ASPRV1: variants seen among roughly 807,000 people sequenced by gnomAD.
ASPRV1 encodes retroviral-like aspartic protease 1.
In ASPRV1, 7 loss-of-function variants were observed where a neutral mutation model predicts 11.0. That is an observed-to-expected ratio of 0.64 (90% CI 0.36 to 1.20). The LOEUF is 1.20. Among genes scored for constraint, ASPRV1 ranks in the 50% most tolerant of loss-of-function variants. The pLI is 0.02. For synonymous variants in ASPRV1, 136 were observed against 138.4 expected, an observed-to-expected ratio of 0.98 and a Z score of 0.12; for missense variants, 299 against 320.0, an observed-to-expected ratio of 0.93 and a Z score of 0.50.
At chr2:70,054,068 C>T in the ASPRV1 span, 1 of 151,840 alleles carries the variant, frequency 6.6e-6, no homozygotes, top group African/African-American at 2.4e-5. Context: ...CGCGGTGGCT[C>T]ACGCCTGTAA....
At chr2:69,984,610 C>CTTTTTTTTTTTT in the ASPRV1 span, among the ~76,000 whole-genome samples, 1 of 65,338 alleles carries the variant, frequency 1.5e-5, no homozygotes, top group African/African-American at 6.7e-5. Context: ...TCAGGTCCAG[C>CTTTTTTTTTTTT]TTTTTTTTTT....
At chr2:70,083,556 G>A in the ASPRV1 span, 1 of 152,126 alleles carries the variant, frequency 6.6e-6, no homozygotes, top group African/African-American at 2.4e-5. Context: ...ACTGAGAGGA[G>A]GCGAGTCATG....
chr2:69,961,431 G>A lies in ASPRV1; in HGVS notation c.6C>T (p.Ala2=), dbSNP rs369103751. 106 of 1,613,922 alleles carry A rather than the reference G, an allele frequency of 6.6e-5. No homozygotes were observed. The highest frequency in any genetic ancestry group is 3.5e-4 in the African/African-American group (26 of 74,926). ...CTTCCTCACTCCTGGCTCCGCTCCCGGCCATCCTGCTGCTCTCCTCTGGAA... is the reference window on the plus strand; with the variant it reads ...CTTCCTCACTCCTGGCTCCGCTCCCAGCCATCCTGCTGCTCTCCTCTGGAA... The part of the protein sequence containing the change: M[A]GSGARSEEGR... The change falls in exon 1 of 1, where the codon GCC becomes GCT. Residue 2 remains alanine, a synonymous_variant. Transcript: ENST00000320256.
At chr2:70,053,111 T>C in the ASPRV1 span, among the ~76,000 whole-genome samples, 1 of 152,170 alleles carries the variant, frequency 6.6e-6, no homozygotes, top group Non-Finnish European at 1.5e-5. Flanking sequence ...ACCGCAGAGA[T>C]TCACAGATTT....
At chr2:70,048,628 G>C in the ASPRV1 span, 1 of 152,250 alleles carries the variant, frequency 6.6e-6, no homozygotes. Flanking sequence ...TGAAAATGAA[G>C]ATGGTAAGAG....
chr2:70,040,279 C>A, the ASPRV1 span, among the ~76,000 whole-genome samples: 1 of 152,200 alleles, frequency 6.6e-6, no homozygotes, highest in Non-Finnish European at 1.5e-5. Flanking sequence ...GAGGCTGAGA[C>A]AGGAAGATTG....
chr2:70,065,504 A>G, the ASPRV1 span, among the ~76,000 whole-genome samples: 2 of 152,026 alleles, frequency 1.3e-5, no homozygotes, highest in African/African-American at 4.8e-5. Flanking sequence ...AAGTGCGATC[A>G]CAGAATTAAA....
chr2:69,949,514 G>A, the ASPRV1 span, among the ~76,000 whole-genome samples: 1 of 152,130 alleles, frequency 6.6e-6, no homozygotes, highest in Non-Finnish European at 1.5e-5. Context: ...CAGGTGACTG[G>A]TTCAAAAACA....
At chr2:69,987,371 C>T in the ASPRV1 span, among the ~76,000 whole-genome samples, 2 of 152,016 alleles carry the variant, frequency 1.3e-5, no homozygotes, top group South Asian at 2.1e-4. Flanking sequence ...GTGGGCTATC[C>T]TTGGCCCCTG....
the ASPRV1 span, chr2:70,019,150 G>A: frequency 6.6e-6 from 1 of 152,248 alleles, no homozygotes; most frequent in East Asian, 1.9e-4. Context: ...ATGGCCAACA[G>A]GAATCTGAAA....
the ASPRV1 span, among the ~76,000 whole-genome samples, chr2:69,979,876 C>T: frequency 4.4e-4 from 67 of 152,324 alleles, no homozygotes; most frequent in South Asian, 0.012. Context: ...TTGCTCTCTA[C>T]AACACCATCA....
downstream of ASPRV1, among the ~76,000 whole-genome samples, chr2:69,956,270 C>G (rs1462442460): frequency 6.6e-6 from 1 of 151,934 alleles, no homozygotes; most frequent in Non-Finnish European, 1.5e-5. Context: ...GTAGAGAAAG[C>G]TCTTCTGTAG....
At chr2:70,041,592 C>T in the ASPRV1 span, among the ~76,000 whole-genome samples, 1 of 152,172 alleles carries the variant, frequency 6.6e-6, no homozygotes, top group Admixed American at 6.5e-5. Flanking sequence ...GGCACTGATC[C>T]CCATGTGTAA....
upstream of ASPRV1, chr2:69,961,697 G>A: frequency 2.6e-6 from 4 of 1,528,034 alleles, no homozygotes; most frequent in Non-Finnish European, 2.6e-6. Flanking sequence ...ATTCTCCTTT[G>A]TTCTGGAAGC....
chr2:69,983,302 T>C, the ASPRV1 span, among the ~76,000 whole-genome samples: 1 of 152,200 alleles, frequency 6.6e-6, no homozygotes, highest in Non-Finnish European at 1.5e-5. Context: ...CATGAACACA[T>C]TTTTGCAGGA....
At chr2:69,951,298 C>A in the ASPRV1 span, among the ~76,000 whole-genome samples, 1 of 151,698 alleles carries the variant, frequency 6.6e-6, no homozygotes, top group Admixed American at 6.6e-5. Context: ...GTGGCAGGTG[C>A]CTGTAGTCCC....
chr2:69,983,642 C>A, the ASPRV1 span, among the ~76,000 whole-genome samples: 4 of 152,098 alleles, frequency 2.6e-5, no homozygotes, highest in Admixed American at 6.6e-5. Context: ...GGTAGGGGAG[C>A]AGTAATTACA....
At chr2:70,067,154 G>A in the ASPRV1 span, among the ~76,000 whole-genome samples, 1 of 152,182 alleles carries the variant, frequency 6.6e-6, no homozygotes, top group African/African-American at 2.4e-5. Context: ...AATGGAGAGG[G>A]AAAATGATTA....
the ASPRV1 span, among the ~76,000 whole-genome samples, chr2:69,950,031 G>A: frequency 6.6e-6 from 1 of 152,078 alleles, no homozygotes; most frequent in African/African-American, 2.4e-5. Flanking sequence ...GGCCAGGCTG[G>A]TCTCGAACTC....
Sources: gnomAD v4.1 joint callset for allele counts (sites outside exome capture counted in the v4.1 genomes callset) on GRCh38, gnomAD v4.1.1 for gene constraint, MANE v1.5 for transcripts, NCBI Gene and HGNC (gene_info 2026-07-23, HGNC 2026-07-21) for gene names.